Variants in RANBP17 observed in about 807,000 individuals in gnomAD.
The protein encoded by RANBP17 is ran-binding protein 17.
Under a neutral mutation model 141.2 loss-of-function variants are expected in RANBP17, and 158 were observed. The ratio of observed to expected loss-of-function variants is 1.12; its 90% confidence interval spans 0.98 to 1.28. The LOEUF (loss-of-function observed/expected upper bound fraction) is 1.28. Ranked by LOEUF, RANBP17 falls within the 50% of genes most tolerant of loss-of-function variation. The pLI is 0.00. For synonymous variants in RANBP17, 430 were observed against 450.0 expected (o/e 0.96, Z 0.56); for missense variants, 1,438 against 1,290.7 (o/e 1.11, Z -1.75).
chr5:170,863,324 A>G (rs970893547), intron 1 of RANBP17, among the ~76,000 whole-genome samples: 1 of 152,228 alleles, frequency 6.6e-6, no homozygotes, highest in African/African-American at 2.4e-5. Context: ...AGGGAATTTC[A>G]TAATATGGTG....
At chr5:170,906,624 G>A (rs1334838968) in intron 5 of RANBP17, among the ~76,000 whole-genome samples, 5 of 151,866 alleles carry the variant, frequency 3.3e-5, no homozygotes, top group African/African-American at 9.7e-5. Context: ...AAAATATCTT[G>A]TTCCTTATCA....
chr5:171,077,077 C>T (rs1041924298), intron 14 of RANBP17, among the ~76,000 whole-genome samples: 1 of 152,146 alleles, frequency 6.6e-6, no homozygotes, highest in Non-Finnish European at 1.5e-5. Flanking sequence ...CATTGACTCA[C>T]CCCTGTAATC....
At chr5:171,068,977 C>T (rs772085713) in intron 14 of RANBP17, among the ~76,000 whole-genome samples, 4 of 151,992 alleles carry the variant, frequency 2.6e-5, no homozygotes, top group African/African-American at 4.8e-5. Flanking sequence ...CATGTTTTTG[C>T]GATATTTTGC....
At chr5:170,939,299 G>A (rs1774132053) in intron 12 of RANBP17, among the ~76,000 whole-genome samples, 1 of 152,000 alleles carries the variant, frequency 6.6e-6, no homozygotes, top group Admixed American at 6.6e-5. Flanking sequence ...GAGGAAGAAG[G>A]GGCATGGTCC....
chr5:171,252,042 G>A lies in RANBP17; in HGVS notation c.2776+9222G>A, dbSNP rs1169350540. On this transcript the variant is annotated intron_variant, in intron 24 of 27. Coordinates refer to ENST00000523189, the MANE Select transcript of RANBP17 (RefSeq NM_022897.5). Reference sequence around the variant, plus strand: ...CATAGAAGAGTCAACCTAGGAAAAAGGAGAGCCTTCTTACATGCTTAGCAG... The same window carrying A: ...CATAGAAGAGTCAACCTAGGAAAAAAGAGAGCCTTCTTACATGCTTAGCAG... 21 of 1,606,042 alleles carry A rather than the reference G, an allele frequency of 1.3e-5. No individual in the cohort carries two copies. The East Asian group carries it at 4.5e-4, about 34-fold the overall frequency.
chr5:171,278,055 G>A (rs1359207598), intron 25 of RANBP17, among the ~76,000 whole-genome samples: 2 of 138,114 alleles, frequency 1.4e-5, no homozygotes, highest in African/African-American at 2.7e-5. Flanking sequence ...TTTAGAAACT[G>A]GCACTTAACA....
Position 171,075,797 on chromosome 5 carries a change from A to G in RANBP17, c.1711-94333A>G, listed in dbSNP as rs539278305. Among the ~76,000 whole-genome samples, 16 of 152,268 alleles carry G rather than the reference A, an allele frequency of 1.1e-4. No individual in the cohort carries two copies. In the East Asian group the frequency reaches 3.1e-3, roughly 29 times the overall value. On this transcript the variant is annotated intron_variant, in intron 14 of 27. Coordinates refer to ENST00000523189, the MANE Select transcript of RANBP17 (RefSeq NM_022897.5). ...GCGAAACCCTGTCTCTGCTAAAAAT[A>G]CAAAAATTAGCTGGGCATGGTGACA... is the stretch of plus-strand genomic sequence containing the variant.
At chr5:171,147,903 T>C (rs1758176691) in intron 14 of RANBP17, among the ~76,000 whole-genome samples, 1 of 152,028 alleles carries the variant, frequency 6.6e-6, no homozygotes, top group Non-Finnish European at 1.5e-5. Flanking sequence ...CAACAGCTCA[T>C]TGAGAACGGG....
intron 25 of RANBP17, among the ~76,000 whole-genome samples, chr5:171,292,502 T>C (rs577608411): frequency 2.0e-5 from 3 of 152,266 alleles, no homozygotes; most frequent in Admixed American, 6.5e-5. Context: ...ACAGGATAAA[T>C]TGGATTTCAA....
At chr5:171,155,122 T>TGTAC (rs1329263127) in intron 14 of RANBP17, among the ~76,000 whole-genome samples, 1 of 134,994 alleles carries the variant, frequency 7.4e-6, no homozygotes, top group African/African-American at 2.8e-5. Context: ...TATATATATG[T>TGTAC]ACACACACAC....
At chr5:170,881,947 CT>C in intron 3 of RANBP17, 51 bp downstream of exon 3, 1 of 1,234,326 alleles carries the variant, frequency 8.1e-7, no homozygotes, top group Non-Finnish European at 1.2e-6. Context: ...AAATCTTTTT[CT>C]TTTAAATATA....
chr5:170,928,230 G>A (rs1017828916), intron 12 of RANBP17, among the ~76,000 whole-genome samples: 1 of 152,004 alleles, frequency 6.6e-6, no homozygotes, highest in East Asian at 1.9e-4. Flanking sequence ...AATTGCAAGA[G>A]TGCTTTATAT....
intron 25 of RANBP17, among the ~76,000 whole-genome samples, chr5:171,283,974 C>G (rs1768008239): frequency 6.6e-6 from 1 of 152,136 alleles, no homozygotes. Context: ...CATGAGACGC[C>G]CTCGTGCCAT....
chr5:171,130,399 A>T (rs1003666197), intron 14 of RANBP17, among the ~76,000 whole-genome samples: 2 of 150,818 alleles, frequency 1.3e-5, no homozygotes, highest in East Asian at 1.9e-4. Context: ...TCACATTTTT[A>T]AAATATGCTC....
chr5:171,069,268 G>A (rs886408055), intron 14 of RANBP17, among the ~76,000 whole-genome samples: 1 of 152,180 alleles, frequency 6.6e-6, no homozygotes, highest in Non-Finnish European at 1.5e-5. Flanking sequence ...TTCTGCCCTA[G>A]CAGCAGGAAG....
chr5:170,893,846 G>C (rs1196954404), intron 4 of RANBP17, among the ~76,000 whole-genome samples: 1 of 151,684 alleles, frequency 6.6e-6, no homozygotes, highest in Non-Finnish European at 1.5e-5. Flanking sequence ...AGGAAAAATT[G>C]GCAGTTTTGA....
chr5:171,054,672 A>G (rs979008564), intron 14 of RANBP17, among the ~76,000 whole-genome samples: 4 of 152,016 alleles, frequency 2.6e-5, no homozygotes, highest in Non-Finnish European at 5.9e-5. Flanking sequence ...TCATCCTGTG[A>G]CTTAGAATGC....
intron 25 of RANBP17, among the ~76,000 whole-genome samples, chr5:171,280,669 T>C (rs772531214): frequency 1.3e-5 from 2 of 152,210 alleles, no homozygotes; most frequent in Non-Finnish European, 2.9e-5. Flanking sequence ...TGTAATCTTA[T>C]CACTATTTGA....
At chr5:170,873,941 G>A (rs1314696481) in intron 1 of RANBP17, among the ~76,000 whole-genome samples, 1 of 152,110 alleles carries the variant, frequency 6.6e-6, no homozygotes, top group Non-Finnish European at 1.5e-5. Flanking sequence ...ATGTTAGGGT[G>A]TTGATTTGAG....
Sources: allele counts gnomAD v4.1 joint callset (sites outside exome capture counted in the v4.1 genomes callset), GRCh38; gene constraint gnomAD v4.1.1; transcripts MANE v1.5; gene names NCBI Gene and HGNC (gene_info 2026-07-23, HGNC 2026-07-21).